The following DNMT3A variants were observed in gnomAD, a reference collection of about 807,000 sequenced individuals.
DNMT3A encodes DNA methyltransferase 3 alpha, also known as DNA (cytosine-5)-methyltransferase 3A.
A neutral mutation model predicts 117.6 loss-of-function variants in DNMT3A; 267 were observed. The ratio of observed to expected loss-of-function variants is 2.27; its 90% CI spans 2.05 to 2.51. The LOEUF is 2.51. Among genes scored for constraint, DNMT3A ranks in the 30% most tolerant of loss-of-function variants. The probability of loss-of-function intolerance (pLI) is 0.00; values close to 1 mark genes in which losing one functional copy is unlikely to be tolerated. For missense variants in DNMT3A, 1,029 were observed against 1,260.2 expected (o/e 0.82, Z 2.78); for synonymous variants, 432 against 474.8 (o/e 0.91, Z 1.17).
At chr2:25,244,719 G>T (rs573855114) in intron 13 of DNMT3A, 67 bp from the exon 14 acceptor site, 3 of 1,370,146 alleles carry the variant, frequency 2.2e-6, no homozygotes, top group African/African-American at 2.8e-5. Context: ...ACGAAGGGAG[G>T]CTCCACACCT....
chr2:25,243,665 G>A (rs2149285863), intron 16 of DNMT3A, among the ~76,000 whole-genome samples: 1 of 152,336 alleles, frequency 6.6e-6, no homozygotes, highest in East Asian at 1.9e-4. Flanking sequence ...TCCTTACTAA[G>A]GAAGCGCCCA....
intron 1 of DNMT3A, among the ~76,000 whole-genome samples, chr2:25,328,346 C>A (rs2034866114): frequency 6.6e-6 from 1 of 152,160 alleles, no homozygotes; most frequent in Non-Finnish European, 1.5e-5. Flanking sequence ...CCAGCTGCAT[C>A]ATTCCAGGCC....
Position 25,252,249 on chromosome 2 carries a change from T to C in DNMT3A, c.640-3997A>G, listed in dbSNP as rs1348738582. On this transcript the variant is annotated intron_variant, in intron 6 of 22. Coordinates refer to ENST00000321117, the MANE Select transcript of DNMT3A (RefSeq NM_022552.5). The surrounding 1 kb of genome is among the most constrained non-coding windows in gnomAD (Gnocchi z 5.5). Reference sequence around the variant, plus strand: ...CGCGCTCAGGTGTGAGCCGCGGCCCTGAAGCTCTGGAAGTAGCTGCCCGTC... The same window carrying C: ...CGCGCTCAGGTGTGAGCCGCGGCCCCGAAGCTCTGGAAGTAGCTGCCCGTC... 2 of 1,484,202 alleles carry C rather than the reference T, an allele frequency of 1.3e-6. No individual in the cohort carries two copies. Among genetic ancestry groups the C allele is most frequent in the Non-Finnish European group, 1.8e-6 (2 of 1,116,410 alleles). 91.9% of individuals were successfully genotyped at this position (1,484,202 alleles called of 1,614,324 possible). A position where few individuals can be genotyped will look rare whatever the true frequency, so the allele number is the denominator to read the frequency against.
chr2:25,312,542 T>C (rs1247343106), intron 2 of DNMT3A, among the ~76,000 whole-genome samples: 1 of 152,144 alleles, frequency 6.6e-6, no homozygotes, highest in Non-Finnish European at 1.5e-5. Context: ...GCAGGACCTA[T>C]GCAGGTAGGG....
chr2:25,321,245 T>C (rs1375554384), intron 1 of DNMT3A, among the ~76,000 whole-genome samples: 3 of 152,140 alleles, frequency 2.0e-5, no homozygotes, highest in Non-Finnish European at 4.4e-5. Context: ...TTCTGGAAAC[T>C]CTAAGGAGAA....
chr2:25,251,146 G>A (rs1675484886), intron 6 of DNMT3A, among the ~76,000 whole-genome samples: 1 of 93,306 alleles, frequency 1.1e-5, no homozygotes, highest in Non-Finnish European at 2.4e-5. Flanking sequence ...GTGGGGGAAG[G>A]AAGAAGCGGG....
chr2:25,247,103 GC>G lies in DNMT3A; in HGVS notation c.1069del (p.Ala357ProfsTer50). 6.2e-7 allele frequency: 1 copy of G among 1,614,124 alleles called. No homozygotes were observed. Among genetic ancestry groups the G allele is most frequent in the Non-Finnish European group, 8.5e-7 (1 of 1,180,006 alleles). On this transcript the variant is annotated frameshift_variant, in exon 9 of 23. Coordinates refer to ENST00000321117, the MANE Select transcript of DNMT3A (RefSeq NM_022552.5). LOFTEE classifies it high-confidence loss of function. This position sits in a 1 kb window ranked among gnomAD's most constrained non-coding sequence, Gnocchi z 5.6. ...GTACATGGGCTGCTTGTTGTACGTGGCCTGGTGGAACGCACTGCAAAACGAG... is the reference window on the plus strand; with the variant it reads ...GTACATGGGCTGCTTGTTGTACGTGGCTGGTGGAACGCACTGCAAAACGAG... Reference protein sequence around the residue: ...LSSFCSAFHQATYNKQPMYRK... With the variant: ...LSSFCSAFHQXTYNKQPMYRK...
chr2:25,256,109 G>A (rs532515260), intron 6 of DNMT3A, among the ~76,000 whole-genome samples: 4 of 152,258 alleles, frequency 2.6e-5, no homozygotes, highest in African/African-American at 4.8e-5. Flanking sequence ...CACTGCACAC[G>A]TATTTCCACC....
chr2:25,281,414 C>T lies in DNMT3A; in HGVS notation c.448+1027G>A. On this transcript the variant is annotated intron_variant, in intron 4 of 22. Transcript: ENST00000321117. This position sits in a 1 kb window ranked among gnomAD's most constrained non-coding sequence, Gnocchi z 4.8. ...TTCTGCACATAGTGGGAGCATCATA[C>T]ATATTTGTCGAATAATAAATGAATA... The T allele has an allele frequency of 9.8e-7, 1 of 1,024,094 alleles. No homozygotes were observed. 63.4% of individuals were successfully genotyped at this position (1,024,094 alleles called of 1,614,324 possible). A position where few individuals can be genotyped will look rare whatever the true frequency, so the allele number is the denominator to read the frequency against.
At chr2:25,321,748 TG>T (rs2034605220) in intron 1 of DNMT3A, among the ~76,000 whole-genome samples, 1 of 152,092 alleles carries the variant, frequency 6.6e-6, no homozygotes, top group African/African-American at 2.4e-5. Context: ...TAGCCGAGTG[TG>T]GTGGCACATG....
rs530286778 is a variant in DNMT3A at position 25,309,000 on chromosome 2, C to T, written c.72+4913G>A. Among the ~76,000 whole-genome samples the T allele has an allele frequency of 9.2e-5, 14 of 151,356 alleles. No homozygotes were observed. In the East Asian group the frequency reaches 1.6e-3, roughly 17 times the overall value. ...ACACACACACACACACACACACACA[C>T]GCACGCACATGTGCAAACACATAAG... On this transcript the variant is annotated intron_variant, in intron 2 of 22. Coordinates refer to ENST00000321117, the MANE Select transcript of DNMT3A (RefSeq NM_022552.5).
intron 2 of DNMT3A, among the ~76,000 whole-genome samples, chr2:25,313,341 T>G (rs1181219303): frequency 7.3e-6 from 1 of 137,128 alleles, no homozygotes; most frequent in Non-Finnish European, 1.6e-5. Flanking sequence ...CCCAGCGACA[T>G]TCACCTGGAG....
intron 6 of DNMT3A, among the ~76,000 whole-genome samples, chr2:25,268,394 A>G (rs1367572461): frequency 6.6e-6 from 1 of 152,112 alleles, no homozygotes; most frequent in Non-Finnish European, 1.5e-5. Context: ...GCCGCGACAC[A>G]AACTGGAGTG....
In DNMT3A at chr2:25,237,132, C is replaced by G. The variant is rs147193357; in HGVS notation, c.2409-127G>C. The G allele has an allele frequency of 1.4e-3, 1,102 of 807,144 alleles. 10 individuals carry two copies. The African/African-American group carries it at 0.016, about 12-fold the overall frequency. The allele number at this position is 807,144 out of a possible 1,614,324, so 50.0% of individuals were successfully genotyped here. On this transcript the variant is annotated intron_variant, in intron 20 of 22. Transcript: ENST00000321117. The surrounding 1 kb of genome is among the most constrained non-coding windows in gnomAD (Gnocchi z 5.4). ...CAGGGTAAGAGCCCCTTCCCCAAAT[C>G]ACGCACACACGTCATAACTCTCTTC...
chr2:25,252,157 G>A lies in DNMT3A; in HGVS notation c.640-3905C>T, dbSNP rs771630032. On this transcript the variant is annotated intron_variant, in intron 6 of 22. Coordinates refer to ENST00000321117, the MANE Select transcript of DNMT3A (RefSeq NM_022552.5). This position sits in a 1 kb window ranked among gnomAD's most constrained non-coding sequence, Gnocchi z 5.5. ...CTCCCACCGGCCCTGCCGCCTCCCC[G>A]CCCCCGGTCTCCCCGGGGCTCCGTC... is the stretch of plus-strand genomic sequence containing the variant. The A allele has an allele frequency of 3.0e-5, 47 of 1,552,868 alleles. No homozygotes were observed. The highest frequency in any genetic ancestry group is 3.7e-5 in the Non-Finnish European group (43 of 1,150,098).
Position 25,265,705 on chromosome 2 carries a change from G to C in DNMT3A, c.639+9236C>G, listed in dbSNP as rs536907833. On this transcript the variant is annotated intron_variant, in intron 6 of 22. Coordinates refer to ENST00000321117, the MANE Select transcript of DNMT3A (RefSeq NM_022552.5). The stretch of plus-strand genomic sequence containing the variant: ...GTGGTGGCAGGTGCCTGTAATCCTA[G>C]CTACTTGGGAGGCTGGGGCAGGAGA... 3.9e-5 allele frequency among the ~76,000 whole-genome samples: 6 copies of C among 152,020 alleles called. No individual in the cohort carries two copies. The East Asian group carries it at 1.2e-3, about 29-fold the overall frequency.
At chr2:25,242,627 C>T (rs188965467) in intron 16 of DNMT3A, among the ~76,000 whole-genome samples, 1 of 152,340 alleles carries the variant, frequency 6.6e-6, no homozygotes, top group Admixed American at 6.5e-5. Context: ...TCCGCCTCAC[C>T]CTCTAACCAG....
intron 16 of DNMT3A, among the ~76,000 whole-genome samples, chr2:25,242,215 C>G (rs576342562): frequency 3.9e-5 from 6 of 152,216 alleles, no homozygotes; most frequent in Admixed American, 3.9e-4. Flanking sequence ...GCCTCCCCAT[C>G]AGAGCAGTTT....
rs1347790399 is a variant in DNMT3A at position 25,304,568 on chromosome 2, G to C, written c.73-4325C>G. ...GCCGCAAGATATGTGGCAATACTGG[G>C]GCTCTAGGAGCTTTCCAAAATGCAA... On this transcript the variant is annotated intron_variant, in intron 2 of 22. Coordinates refer to ENST00000321117, the MANE Select transcript of DNMT3A (RefSeq NM_022552.5). This position sits in a 1 kb window ranked among gnomAD's most constrained non-coding sequence, Gnocchi z 4.3. Among the ~76,000 whole-genome samples, 1 of 152,206 alleles carries C rather than the reference G, an allele frequency of 6.6e-6. No individual in the cohort carries two copies. Among genetic ancestry groups the C allele is most frequent in the African/African-American group, 2.4e-5 (1 of 41,448 alleles).
Sources: allele counts gnomAD v4.1 joint callset (sites outside exome capture counted in the v4.1 genomes callset), GRCh38; gene constraint gnomAD v4.1.1; non-coding constraint Gnocchi (gnomAD v3.1); transcripts MANE v1.5; gene names NCBI Gene and HGNC (gene_info 2026-07-23, HGNC 2026-07-21).